Variants in SGCD observed in about 807,000 individuals in gnomAD.
The protein encoded by SGCD is delta-sarcoglycan.
Under a neutral mutation model 36.6 loss-of-function variants are expected in SGCD, and 18 were observed. That is an observed-to-expected ratio of 0.49 (90% CI 0.34 to 0.73). SGCD has a LOEUF of 0.73. Ranked by LOEUF, SGCD falls within the 30% of genes least tolerant of loss-of-function variation. The probability of loss-of-function intolerance (pLI) is 0.01; values close to 1 mark genes in which losing one functional copy is unlikely to be tolerated. For synonymous variants in SGCD, 133 were observed against 130.6 expected, an observed-to-expected ratio of 1.02 and a Z score of -0.12; for missense variants, 387 against 346.7, an observed-to-expected ratio of 1.12 and a Z score of -0.92.
chr5:155,759,523 T>C, the SGCD span, among the ~76,000 whole-genome samples: 1 of 152,218 alleles, frequency 6.6e-6, no homozygotes, highest in Non-Finnish European at 1.5e-5. Context: ...AATGACACTG[T>C]GCTTGAAATC....
chr5:155,823,060 C>A, the SGCD span, among the ~76,000 whole-genome samples: 8 of 101,882 alleles, frequency 7.9e-5, no homozygotes, highest in South Asian at 3.5e-4. Context: ...CTCTATATCT[C>A]TATATCTATC....
chr5:156,030,527 T>C (rs1241757799), intron 1 of SGCD, among the ~76,000 whole-genome samples: 2 of 152,214 alleles, frequency 1.3e-5, no homozygotes, highest in Non-Finnish European at 2.9e-5. Context: ...TCCAGACTTC[T>C]AGCCTCCAGA....
chr5:156,447,691 C>T (rs978579464), intron 3 of SGCD, among the ~76,000 whole-genome samples: 2 of 152,090 alleles, frequency 1.3e-5, no homozygotes, highest in Non-Finnish European at 2.9e-5. Flanking sequence ...AGAAAAATAG[C>T]TAATGCACGC....
chr5:156,589,176 C>A (rs1158040755), intron 4 of SGCD, 55 bp from the exon 5 acceptor site: 1 of 1,302,710 alleles, frequency 7.7e-7, no homozygotes, highest in Non-Finnish European at 1.1e-6. Flanking sequence ...AATGACAGTT[C>A]TTTTTGTTTA....
intron 6 of SGCD, among the ~76,000 whole-genome samples, chr5:156,623,146 C>T (rs934696212): frequency 2.0e-5 from 3 of 151,916 alleles, no homozygotes; most frequent in East Asian, 1.9e-4. Context: ...AATATATATA[C>T]ATACATGGAT....
chr5:156,754,938 A>G (rs564743739), intron 7 of SGCD, among the ~76,000 whole-genome samples: 1 of 152,360 alleles, frequency 6.6e-6, no homozygotes, highest in African/African-American at 2.4e-5. Flanking sequence ...GATAAGTAAC[A>G]TATTCAAAAC....
At chr5:155,755,123 G>T in the SGCD span, among the ~76,000 whole-genome samples, 1 of 152,166 alleles carries the variant, frequency 6.6e-6, no homozygotes, top group Non-Finnish European at 1.5e-5. Flanking sequence ...AGAATATGGT[G>T]CATTTTCTTT....
intron 1 of SGCD, among the ~76,000 whole-genome samples, chr5:156,023,189 G>A (rs556284788): frequency 1.0e-3 from 159 of 152,344 alleles, no homozygotes; most frequent in Non-Finnish European, 2.0e-3. Flanking sequence ...TAGGGCACAT[G>A]TGTAGGCACC....
At chr5:156,576,899 G>A (rs1193472417) in intron 4 of SGCD, among the ~76,000 whole-genome samples, 1 of 152,082 alleles carries the variant, frequency 6.6e-6, no homozygotes, top group East Asian at 1.9e-4. Flanking sequence ...TTCTTTCGCT[G>A]TGCAGAAGCT....
chr5:156,022,560 T>C (rs1759129948), intron 1 of SGCD, among the ~76,000 whole-genome samples: 1 of 152,232 alleles, frequency 6.6e-6, no homozygotes, highest in Non-Finnish European at 1.5e-5. Flanking sequence ...ACTTCAATTA[T>C]AGAAGAAACG....
intron 7 of SGCD, among the ~76,000 whole-genome samples, chr5:156,699,732 A>C (rs900938048): frequency 2.0e-5 from 3 of 151,834 alleles, no homozygotes; most frequent in African/African-American, 7.3e-5. Flanking sequence ...CAAGATCCAC[A>C]ATCACTCACT....
intron 3 of SGCD, among the ~76,000 whole-genome samples, chr5:156,171,152 A>T (rs1395087202): frequency 2.0e-5 from 3 of 152,214 alleles, no homozygotes; most frequent in African/African-American, 7.2e-5. Flanking sequence ...TAACTAATTT[A>T]AGGTGCTCAT....
chr5:156,429,231 A>G (rs78674996), intron 3 of SGCD, among the ~76,000 whole-genome samples: 2 of 148,476 alleles, frequency 1.3e-5, no homozygotes, highest in African/African-American at 5.0e-5. Flanking sequence ...CTGTTGGACA[A>G]ATTTTTTAAT....
intron 7 of SGCD, among the ~76,000 whole-genome samples, chr5:156,697,792 G>A (rs1289956012): frequency 6.7e-6 from 1 of 150,178 alleles, no homozygotes; most frequent in Non-Finnish European, 1.5e-5. Flanking sequence ...TGGATGGATG[G>A]ATGAGTGGGT....
the SGCD span, among the ~76,000 whole-genome samples, chr5:155,782,106 C>A: frequency 6.6e-6 from 1 of 151,442 alleles, no homozygotes; most frequent in African/African-American, 2.4e-5. Context: ...CTCACCGCAA[C>A]CTCTGCCTCC....
At chr5:155,944,281 G>C (rs1757394375) in intron 1 of SGCD, among the ~76,000 whole-genome samples, 2 of 152,118 alleles carry the variant, frequency 1.3e-5, no homozygotes, top group African/African-American at 2.4e-5. Context: ...GTTTTGTATG[G>C]GGGGATAAAA....
At chr5:156,692,621 C>G (rs1754159232) in intron 7 of SGCD, among the ~76,000 whole-genome samples, 1 of 152,168 alleles carries the variant, frequency 6.6e-6, no homozygotes, top group South Asian at 2.1e-4. Flanking sequence ...TGTTTAGAAG[C>G]AAATCACAGA....
At chr5:156,195,517 C>T (rs1274619520) in intron 3 of SGCD, among the ~76,000 whole-genome samples, 1 of 152,162 alleles carries the variant, frequency 6.6e-6, no homozygotes, top group African/African-American at 2.4e-5. Flanking sequence ...TTGGAAAATG[C>T]AGGAAAGTGC....
chr5:156,032,265 C>G (rs1426299789), intron 1 of SGCD, among the ~76,000 whole-genome samples: 2 of 151,994 alleles, frequency 1.3e-5, no homozygotes, highest in East Asian at 3.9e-4. Flanking sequence ...TTTAACTCTT[C>G]TTGTTTAGTT....
Sources: allele counts gnomAD v4.1 joint callset (sites outside exome capture counted in the v4.1 genomes callset), GRCh38; gene constraint gnomAD v4.1.1; transcripts MANE v1.5; gene names NCBI Gene and HGNC (gene_info 2026-07-23, HGNC 2026-07-21).